The following SENP3 variants were observed in gnomAD, a reference collection of about 807,000 sequenced individuals.
The protein encoded by SENP3 is sentrin-specific protease 3.
Under a neutral mutation model 66.2 loss-of-function variants are expected in SENP3, and 11 were observed. The ratio of observed to expected loss-of-function variants is 0.17; its 90% CI spans 0.10 to 0.28. The LOEUF (loss-of-function observed/expected upper bound fraction) is 0.28, where lower values mean the gene tolerates loss of function less well. Among genes scored for constraint, SENP3 ranks in the 10% least tolerant of loss-of-function variants. SENP3 has a pLI of 1.00. For missense variants in SENP3, 548 were observed against 743.7 expected (o/e 0.74, Z 3.06); for synonymous variants, 292 against 277.6 (o/e 1.05, Z -0.52).
In SENP3 at chr17:7,562,935, T is replaced by G; in HGVS notation, c.-11-131T>G. On this transcript the variant is annotated intron_variant, in intron 1 of 10. Transcript: ENST00000321337. The surrounding 1 kb of genome is among the most constrained non-coding windows in gnomAD (Gnocchi z 5.0). ...CCGCGTTAACCGGGAAGATCTTAAGTTAGGAGTTTTGCGTTTTTTCCTCTT... is the reference window on the plus strand; with the variant it reads ...CCGCGTTAACCGGGAAGATCTTAAGGTAGGAGTTTTGCGTTTTTTCCTCTT... 7.8e-7 allele frequency: 1 copy of G among 1,287,210 alleles called. No homozygotes were observed. The highest frequency in any genetic ancestry group is 9.9e-7 in the Non-Finnish European group (1 of 1,013,160). 79.7% of individuals were successfully genotyped at this position (1,287,210 alleles called of 1,614,324 possible).
chr17:7,567,606 G>C (rs2071278370), intron 7 of SENP3, among the ~76,000 whole-genome samples: 2 of 152,048 alleles, frequency 1.3e-5, no homozygotes, highest in African/African-American at 2.4e-5. Flanking sequence ...TCATAGCTGA[G>C]ACGTGAATGA....
In SENP3 at chr17:7,562,552, C is replaced by T. The variant is rs538735883; in HGVS notation, c.-12+289C>T. On this transcript the variant is annotated intron_variant, in intron 1 of 10. Transcript: ENST00000321337. This position sits in a 1 kb window ranked among gnomAD's most constrained non-coding sequence, Gnocchi z 5.0. ...AAAGTTCTTCCCCGTTTATCAGCCT[C>T]TGCCCCCTGAACCATATCCCTGGCA... Among the ~76,000 whole-genome samples the T allele has an allele frequency of 6.6e-6, 1 of 152,372 alleles. No homozygotes were observed. The highest frequency in any genetic ancestry group is 6.5e-5 in the Admixed American group (1 of 15,304).
At chr17:7,571,313 A>G in intron 10 of SENP3, 60 bp from the exon 11 acceptor site, 5 of 1,216,248 alleles carry the variant, frequency 4.1e-6, no homozygotes, top group Non-Finnish European at 6.1e-6. Context: ...TCTCATATGA[A>G]ATGTGTAGCA....
In SENP3 at chr17:7,563,134, A is replaced by G; in HGVS notation, c.58A>G (p.Ile20Val). ...SWGPEPPGPG[I>V]PPAYSSPRRE... ...GGGGCCTGAGCCTCCTGGACCCGGC[A>G]TACCCCCAGCTTACTCAAGTCCCAG... Residue 20 changes from isoleucine (I) to valine (V), a missense_variant, in exon 2 of 11, where the codon ATA becomes GTA. Physicochemically the swap from Ile to Val is conservative, Grantham distance 29. Around this residue, in one of 6 missense-constraint regions of SENP3, gnomAD observed 164 missense variants for 167.9 expected, o/e 0.98. Coordinates refer to ENST00000321337, the MANE Select transcript of SENP3 (RefSeq NM_015670.6). 5 of 1,533,592 alleles carry G rather than the reference A, an allele frequency of 3.3e-6. No individual in the cohort carries two copies. The highest frequency in any genetic ancestry group is 4.4e-6 in the Non-Finnish European group (5 of 1,142,436). The allele number at this position is 1,533,592 out of a possible 1,614,324, so 95.0% of individuals were successfully genotyped here.
chr17:7,570,499 A>AGGGG lies in SENP3; in HGVS notation c.1479+8_1479+11dup. On this transcript the variant is annotated splice_region_variant and intron_variant, in intron 8 of 10. Coordinates refer to ENST00000321337, the MANE Select transcript of SENP3 (RefSeq NM_015670.6). This position sits in a 1 kb window ranked among gnomAD's most constrained non-coding sequence, Gnocchi z 5.4. ...TAAACCGCCGCTGCCCTAAGGTTTGAGGGGGTAGGAGAGAGATGGGCAAAA... is the reference window on the plus strand; with the variant it reads ...TAAACCGCCGCTGCCCTAAGGTTTGAGGGGGGGGGTAGGAGAGAGATGGGCAAAA... 6.2e-7 allele frequency: 1 copy of AGGGG among 1,609,742 alleles called. No individual in the cohort carries two copies. The highest frequency in any genetic ancestry group is 1.3e-5 in the African/African-American group (1 of 74,932).
chr17:7,564,415 A>ACT (rs776033385), intron 2 of SENP3: 3 of 743,674 alleles, frequency 4.0e-6, no homozygotes, highest in Non-Finnish European at 7.1e-6. Context: ...ATGAGTAGGA[A>ACT]CTCTCTCTCC....
chr17:7,565,093 G>T, intron 4 of SENP3, 23 bp downstream of exon 4: 1 of 1,516,674 alleles, frequency 6.6e-7, no homozygotes, highest in Non-Finnish European at 9.1e-7. Context: ...AGCCCTCCTT[G>T]AAAGAAGGGC....
rs2071223469 is a variant in SENP3 at position 7,562,324 on chromosome 17, G to T, written c.-12+61G>T. 1 of 396,176 alleles carries T rather than the reference G, an allele frequency of 2.5e-6. No individual in the cohort carries two copies. The highest frequency in any genetic ancestry group is 4.4e-6 in the Non-Finnish European group (1 of 224,842). The allele number at this position is 396,176 out of a possible 1,614,324, so 24.5% of individuals were successfully genotyped here. A position where few individuals can be genotyped will look rare whatever the true frequency, so the allele number is the denominator to read the frequency against. ...TTGGCCTCTCCCATTCCTGGGCCTC[G>T]CTCCCACCGAACCGGGGCCCAGAGG... On this transcript the variant is annotated intron_variant, in intron 1 of 10. Transcript: ENST00000321337. This position sits in a 1 kb window ranked among gnomAD's most constrained non-coding sequence, Gnocchi z 5.0.
chr17:7,568,784 C>G (rs1416246644), intron 7 of SENP3, among the ~76,000 whole-genome samples: 1 of 152,152 alleles, frequency 6.6e-6, no homozygotes. Flanking sequence ...GCTGCTCTAG[C>G]AAATTAATCA....
chr17:7,563,702 T>C lies in SENP3; in HGVS notation c.626T>C (p.Val209Ala). The change falls in exon 2 of 11, where the codon GTG becomes GCG. Residue 209 changes from valine to alanine, a missense_variant. By Grantham distance (64) the Val-to-Ala change is moderately conservative. Coordinates refer to ENST00000321337, the MANE Select transcript of SENP3 (RefSeq NM_015670.6). ...LLGALMAEDG[V>A]RGSPPVPSGP... ...GGTGCTCTCATGGCTGAGGATGGGG[T>C]GAGAGGGTCTCCACCAGTGCCCTCT... The C allele has an allele frequency of 6.2e-7, 1 of 1,612,568 alleles. No homozygotes were observed.
rs1400177082 is a variant in SENP3 at position 7,563,643 on chromosome 17, C to T, written c.567C>T (p.Pro189=). ...VPSPCCRFDS[P]RGPPPPRLGL... ...CCCCCTGTTGTCGTTTTGACTCCCC[C>T]CGGGGGCCACCTCCACCCCGGCTGG... The change falls in exon 2 of 11, where the codon CCC becomes CCT. Residue 189 remains proline, a synonymous_variant. Transcript: ENST00000321337. 6.2e-7 allele frequency: 1 copy of T among 1,608,040 alleles called. No homozygotes were observed. The highest frequency in any genetic ancestry group is 2.2e-5 in the East Asian group (1 of 44,794).
At chr17:7,564,899 T>C (rs4968212) in intron 3 of SENP3, 35 bp downstream of exon 3, 1,097,831 of 1,600,832 alleles carry the variant, frequency 0.69, 382,365 homozygotes, top group South Asian at 0.81. Flanking sequence ...CTCTCTCCCT[T>C]CTCCGACTCC....
rs937269919 is a variant in SENP3 at position 7,571,673 on chromosome 17, G to T, written c.*190G>T. 5.9e-6 allele frequency: 3 copies of T among 507,498 alleles called. No homozygotes were observed. Among genetic ancestry groups the T allele is most frequent in the Non-Finnish European group, 1.1e-5 (3 of 283,246 alleles). The allele number at this position is 507,498 out of a possible 1,614,324, so 31.4% of individuals were successfully genotyped here. ...ACTTGTTGATTTCTGATGTGCAGGGGGTGGCTACAGAAAAGCCCCTTTCTT... is the reference window on the plus strand; with the variant it reads ...ACTTGTTGATTTCTGATGTGCAGGGTGTGGCTACAGAAAAGCCCCTTTCTT... On this transcript the variant is annotated 3_prime_UTR_variant, in exon 11 of 11. Transcript: ENST00000321337.
Position 7,563,593 on chromosome 17 carries a change from G to A in SENP3, c.517G>A (p.Gly173Arg). 6.4e-7 allele frequency: 1 copy of A among 1,571,514 alleles called. No individual in the cohort carries two copies. Among genetic ancestry groups the A allele is most frequent in the Non-Finnish European group, 8.6e-7 (1 of 1,160,144 alleles). ...HPKNHLSPQQ[G>R]GATPQVPSPC... is the part of the protein sequence containing the mutation. The stretch of plus-strand genomic sequence containing the variant: ...CAAGAACCATCTTTCACCCCAGCAA[G>A]GGGGTGCGACGCCACAGGTGCCATC... Residue 173 changes from glycine to arginine, a missense_variant, in exon 2 of 11, where the codon GGG (glycine) becomes AGG (arginine). Gly to Arg is a moderately radical substitution (Grantham distance 125). Around this residue, in one of 6 missense-constraint regions of SENP3, gnomAD observed 215 missense variants for 230.7 expected, o/e 0.93. Transcript: ENST00000321337.
Position 7,565,027 on chromosome 17 carries a change from A to G in SENP3, c.1024A>G (p.Lys342Glu). The G allele has an allele frequency of 6.2e-7, 1 of 1,613,798 alleles. No homozygotes were observed. The highest frequency in any genetic ancestry group is 8.5e-7 in the Non-Finnish European group (1 of 1,179,684). The change falls in exon 4 of 11, where the codon AAG becomes GAG. Residue 342 changes from lysine (K) to glutamate (E), a missense_variant. Physicochemically the swap from Lys to Glu is moderately conservative, Grantham distance 56. Around this residue, in one of 6 missense-constraint regions of SENP3, gnomAD observed 72 missense variants for 137.9 expected, o/e 0.52. Transcript: ENST00000321337. ...IPLSTDEVVE[K>E]LEDIFQQEFS... Reference sequence around the variant, plus strand: ...CCTCAGCACTGATGAGGTAGTAGAGAAGCTGGAGGACATTTTCCAGCAGGA... The same window carrying G: ...CCTCAGCACTGATGAGGTAGTAGAGGAGCTGGAGGACATTTTCCAGCAGGA...
chr17:7,563,885 G>A, intron 2 of SENP3, 94 bp downstream of exon 2: 1 of 1,125,726 alleles, frequency 8.9e-7, no homozygotes, highest in Non-Finnish European at 1.2e-6. Flanking sequence ...GTGAGAGCTG[G>A]GCTTAAGGAA....
chr17:7,566,886 G>A (rs1346569354), intron 6 of SENP3, 41 bp from the exon 7 acceptor site: 2 of 1,380,796 alleles, frequency 1.4e-6, no homozygotes, highest in Admixed American at 2.0e-5. Flanking sequence ...AGAGTCTGAG[G>A]TCTTTTAATT....
rs749023620 is a variant in SENP3, at chr17:7,570,511, A to G, written c.1479+18A>G. On this transcript the variant is annotated intron_variant, in intron 8 of 10. Coordinates refer to ENST00000321337, the MANE Select transcript of SENP3 (RefSeq NM_015670.6). The surrounding 1 kb of genome is among the most constrained non-coding windows in gnomAD (Gnocchi z 5.4). ...GCCCTAAGGTTTGAGGGGGTAGGAG[A>G]GAGATGGGCAAAATGTGGGGCGGTG... 2.6e-5 allele frequency: 41 copies of G among 1,606,496 alleles called. No homozygotes were observed. Among genetic ancestry groups the G allele is most frequent in the Non-Finnish European group, 6.0e-6 (7 of 1,175,834 alleles).
chr17:7,566,552 G>A (rs1206236164), intron 6 of SENP3, among the ~76,000 whole-genome samples: 1 of 150,822 alleles, frequency 6.6e-6, no homozygotes, highest in Admixed American at 6.6e-5. Context: ...TGTAGTCCCA[G>A]CTACTCGGGA....
Sources: gnomAD v4.1 joint callset for allele counts (sites outside exome capture counted in the v4.1 genomes callset) on GRCh38, gnomAD v4.1.1 for gene constraint, gnomAD v4.1.1 regional missense constraint, Gnocchi (gnomAD v3.1) non-coding constraint, MANE v1.5 for transcripts, NCBI Gene and HGNC (gene_info 2026-07-23, HGNC 2026-07-21) for gene names.